The following B3GALT1 variants were observed in gnomAD, a reference collection of about 807,000 sequenced individuals.
B3GALT1 encodes UDP-Gal:betaGlcNAc beta 1,3-galactosyltransferase, polypeptide 1.
Under a neutral mutation model 23.2 loss-of-function variants are expected in B3GALT1, and 10 were observed. The ratio of observed to expected loss-of-function variants is 0.43; its 90% CI spans 0.27 to 0.73. B3GALT1 has a LOEUF of 0.73. Ranked by LOEUF, B3GALT1 falls within the 30% of genes least tolerant of loss-of-function variation. The pLI is 0.21. For synonymous variants in B3GALT1, 156 were observed against 141.5 expected, an observed-to-expected ratio of 1.10 and a Z score of -0.73; for missense variants, 299 against 405.4, an observed-to-expected ratio of 0.74 and a Z score of 2.25.
At chr2:167,692,251 A>T (rs1018086291) in intron 3 of B3GALT1, among the ~76,000 whole-genome samples, 3 of 152,122 alleles carry the variant, frequency 2.0e-5, no homozygotes, top group African/African-American at 7.2e-5. Context: ...TTAAGGCAGC[A>T]GACTCCTGCT....
intron 3 of B3GALT1, among the ~76,000 whole-genome samples, chr2:167,793,220 C>T (rs1688477485): frequency 6.6e-6 from 1 of 152,110 alleles, no homozygotes; most frequent in Non-Finnish European, 1.5e-5. Flanking sequence ...AGCATCAACA[C>T]GTGGCAGCAT....
intron 3 of B3GALT1, among the ~76,000 whole-genome samples, chr2:167,671,460 A>G (rs1306011309): frequency 6.6e-6 from 1 of 152,198 alleles, no homozygotes; most frequent in Non-Finnish European, 1.5e-5. Context: ...CATATCAAAT[A>G]TATTTTCTAA....
chr2:167,711,857 A>G lies in B3GALT1; in HGVS notation c.-352+64891A>G, dbSNP rs536960124. 2.6e-4 allele frequency among the ~76,000 whole-genome samples: 39 copies of G among 152,232 alleles called. 1 individual carries two copies. The South Asian group carries it at 8.1e-3, about 32-fold the overall frequency. ...GTGGCTCACACCTGTGGTCTCAGCT[A>G]CTTGGGAGGCTGAGGTGGCAGGATT... On this transcript the variant is annotated intron_variant, in intron 3 of 4. Transcript: ENST00000392690.
At chr2:167,671,397 G>T (rs1472575330) in intron 3 of B3GALT1, among the ~76,000 whole-genome samples, 1 of 152,082 alleles carries the variant, frequency 6.6e-6, no homozygotes, top group East Asian at 1.9e-4. Context: ...CTCCTGTTTA[G>T]ATCATATGTT....
At chr2:167,560,378 T>A (rs140858971) in intron 2 of B3GALT1, among the ~76,000 whole-genome samples, 5,199 of 150,310 alleles carry the variant, frequency 0.035, 150 homozygotes, top group African/African-American at 0.083. Context: ...CCATCGAGAC[T>A]AGGAAGAAAC....
intron 2 of B3GALT1, among the ~76,000 whole-genome samples, chr2:167,544,082 G>A (rs1228946705): frequency 6.6e-6 from 1 of 152,108 alleles, no homozygotes; most frequent in Non-Finnish European, 1.5e-5. Flanking sequence ...CTTATTAGGA[G>A]GGCAAAACCT....
At chr2:167,725,028 G>A (rs1310669380) in intron 3 of B3GALT1, among the ~76,000 whole-genome samples, 1 of 152,210 alleles carries the variant, frequency 6.6e-6, no homozygotes, top group Non-Finnish European at 1.5e-5. Flanking sequence ...CCAGAAGAAT[G>A]TAAAAACTAT....
rs76766952 is a variant in B3GALT1 at position 167,464,820 on chromosome 2, T to A, written c.-510-25357T>A. 5.8e-3 allele frequency among the ~76,000 whole-genome samples: 881 copies of A among 152,314 alleles called. 7 individuals are homozygous for A. The highest frequency in any genetic ancestry group is 0.02 in the African/African-American group (845 of 41,584). On this transcript the variant is annotated intron_variant, in intron 1 of 4. Coordinates refer to ENST00000392690, the MANE Select transcript of B3GALT1 (RefSeq NM_020981.4). ...ATATTGTATATACTCAACCCTCTGC[T>A]TTTTATTTATGTATTATCCACAGCA...
intron 2 of B3GALT1, among the ~76,000 whole-genome samples, chr2:167,525,937 GT>G (rs971267200): frequency 1.8e-4 from 27 of 152,110 alleles, no homozygotes; most frequent in African/African-American, 6.5e-4. Flanking sequence ...CTTTCAGGTT[GT>G]TGCCTATGTC....
At chr2:167,751,049 C>T (rs564473289) in intron 3 of B3GALT1, among the ~76,000 whole-genome samples, 106 of 152,184 alleles carry the variant, frequency 7.0e-4, no homozygotes, top group Middle Eastern at 3.4e-3. Context: ...AGAAAACAGG[C>T]GTAAACAACA....
intron 3 of B3GALT1, among the ~76,000 whole-genome samples, chr2:167,799,970 ACAC>A (rs1688609832): frequency 7.9e-6 from 1 of 126,816 alleles, no homozygotes; most frequent in African/African-American, 3.8e-5. Context: ...ACTTATGTAT[ACAC>A]TTATGTATAC....
At chr2:167,635,196 T>C (rs1359207286) in intron 2 of B3GALT1, among the ~76,000 whole-genome samples, 1 of 152,120 alleles carries the variant, frequency 6.6e-6, no homozygotes, top group Non-Finnish European at 1.5e-5. Context: ...TGATGGAACG[T>C]ATCTCAAAAA....
At chr2:167,350,906 T>A (rs1315844670) in intron 1 of B3GALT1, among the ~76,000 whole-genome samples, 1 of 152,234 alleles carries the variant, frequency 6.6e-6, no homozygotes, top group Admixed American at 6.5e-5. Flanking sequence ...ATTCCTTATC[T>A]GCCTTTTAAC....
At chr2:167,540,351 G>A (rs556559116) in intron 2 of B3GALT1, among the ~76,000 whole-genome samples, 4 of 152,216 alleles carry the variant, frequency 2.6e-5, no homozygotes, top group African/African-American at 9.6e-5. Flanking sequence ...TTGGAGACAG[G>A]AAAATCTCAG....
At chr2:167,740,501 G>A (rs1489790380) in intron 3 of B3GALT1, among the ~76,000 whole-genome samples, 2 of 151,984 alleles carry the variant, frequency 1.3e-5, no homozygotes, top group Non-Finnish European at 2.9e-5. Flanking sequence ...TCAAATAAAT[G>A]TGGCAAATAA....
At position 167,713,916 on chromosome 2, in the gene B3GALT1, G is replaced by A. The variant is rs543515552; in HGVS notation, c.-352+66950G>A. 3 of 1,578,870 alleles carry A rather than the reference G, an allele frequency of 1.9e-6. No individual in the cohort carries two copies. In the Admixed American group the frequency reaches 5.0e-5, roughly 26 times the overall value. On this transcript the variant is annotated intron_variant, in intron 3 of 4. Coordinates refer to ENST00000392690, the MANE Select transcript of B3GALT1 (RefSeq NM_020981.4). ...GTTCCTGGAGGAGGTTGGGGGAAAGGAGGTCCTCTTCTCGTGAACAGGCCC... is the reference window on the plus strand; with the variant it reads ...GTTCCTGGAGGAGGTTGGGGGAAAGAAGGTCCTCTTCTCGTGAACAGGCCC...
intron 2 of B3GALT1, among the ~76,000 whole-genome samples, chr2:167,504,071 C>T (rs756549693): frequency 6.6e-6 from 1 of 152,196 alleles, no homozygotes; most frequent in Non-Finnish European, 1.5e-5. Context: ...AACTTCCTGG[C>T]TTCCTGGGCA....
At chr2:167,365,064 G>T (rs1245249641) in intron 1 of B3GALT1, among the ~76,000 whole-genome samples, 1 of 152,130 alleles carries the variant, frequency 6.6e-6, no homozygotes, top group African/African-American at 2.4e-5. Flanking sequence ...TTTCCGATGG[G>T]TGTTGCGTTT....
intron 2 of B3GALT1, among the ~76,000 whole-genome samples, chr2:167,565,402 C>A (rs181057222): frequency 6.6e-6 from 1 of 152,148 alleles, no homozygotes; most frequent in Admixed American, 6.5e-5. Flanking sequence ...ACCACAAAAA[C>A]CCTAGAAGAA....
Sources: allele counts gnomAD v4.1 joint callset (sites outside exome capture counted in the v4.1 genomes callset), GRCh38; gene constraint gnomAD v4.1.1; transcripts MANE v1.5; gene names NCBI Gene and HGNC (gene_info 2026-07-23, HGNC 2026-07-21).